MTNAP1: variants seen among roughly 807,000 people sequenced by gnomAD.
MTNAP1 encodes mitochondrial nucleoid-associated protein 1.
At chr17:73,242,909 C>A in the MTNAP1 span, 1 of 1,613,558 alleles carries the variant, frequency 6.2e-7, no homozygotes, top group East Asian at 2.2e-5. Context: ...GGATCAGGTG[C>A]AACACCACCA....
At chr17:73,238,284 TTTGTAAAGTAGCATACCTGTC>T in the MTNAP1 span, among the ~76,000 whole-genome samples, 9 of 38,556 alleles carry the variant, frequency 2.3e-4, no homozygotes, top group Middle Eastern at 0.013. Context: ...ATACCTGTCG[TTTGTAAAGTAGCATACCTGTC>T]GTGTGTAGTG....
At chr17:73,245,975 G>C in the MTNAP1 span, among the ~76,000 whole-genome samples, 1 of 152,062 alleles carries the variant, frequency 6.6e-6, no homozygotes, top group Non-Finnish European at 1.5e-5. Context: ...TGGGTTTTCT[G>C]TGTCTCTTCA....
At chr17:73,238,519 A>G in the MTNAP1 span, among the ~76,000 whole-genome samples, 1 of 152,264 alleles carries the variant, frequency 6.6e-6, no homozygotes, top group African/African-American at 2.4e-5. Flanking sequence ...TTGCTAGCCC[A>G]AAGCTACATT....
the MTNAP1 span, chr17:73,233,105 G>A: frequency 1.3e-5 from 2 of 152,186 alleles, no homozygotes; most frequent in Non-Finnish European, 2.9e-5. Flanking sequence ...CCGGAGGCTG[G>A]GGAGGTCTTA....
chr17:73,236,476 T>A, the MTNAP1 span: 1 of 1,614,182 alleles, frequency 6.2e-7, no homozygotes, highest in Non-Finnish European at 8.5e-7. Context: ...GAGCCATGGC[T>A]GTGAGAACTT....
the MTNAP1 span, chr17:73,245,628 C>A: frequency 1.1e-3 from 1,088 of 985,276 alleles, 15 homozygotes; most frequent in East Asian, 0.022. Context: ...GAAAATAAGC[C>A]CACATCAGGC....
chr17:73,237,797 G>C, the MTNAP1 span, among the ~76,000 whole-genome samples: 2 of 152,202 alleles, frequency 1.3e-5, no homozygotes, highest in African/African-American at 4.8e-5. Context: ...GTAGGATGCA[G>C]GTGGTAGGAC....
At chr17:73,241,129 C>T in the MTNAP1 span, among the ~76,000 whole-genome samples, 3 of 152,118 alleles carry the variant, frequency 2.0e-5, no homozygotes, top group African/African-American at 7.2e-5. Flanking sequence ...AAACCATGTA[C>T]AGGAGAAATG....
chr17:73,236,992 C>A, the MTNAP1 span: 1 of 1,543,314 alleles, frequency 6.5e-7, no homozygotes, highest in Non-Finnish European at 8.7e-7. Context: ...AAGACTCTCA[C>A]AAGGTAAACA....
chr17:73,236,809 C>T, the MTNAP1 span: 16 of 1,614,106 alleles, frequency 9.9e-6, no homozygotes, highest in Non-Finnish European at 1.4e-5. Flanking sequence ...TCCTCAGAGC[C>T]CCTTCACCAA....
chr17:73,245,085 G>T, the MTNAP1 span: 2 of 1,308,352 alleles, frequency 1.5e-6, no homozygotes, highest in South Asian at 2.5e-5. Context: ...AACAAAAAGA[G>T]AATGATCTGT....
the MTNAP1 span, chr17:73,247,207 A>G: frequency 6.2e-7 from 1 of 1,600,012 alleles, no homozygotes; most frequent in Non-Finnish European, 8.6e-7. Context: ...TATGCCCTGA[A>G]AAGCTGAAAA....
chr17:73,240,798 T>G, the MTNAP1 span, among the ~76,000 whole-genome samples: 1 of 152,208 alleles, frequency 6.6e-6, no homozygotes, highest in Non-Finnish European at 1.5e-5. Context: ...ATCCTGACAC[T>G]GCTGACAACA....
At chr17:73,241,393 C>A in the MTNAP1 span, among the ~76,000 whole-genome samples, 2 of 152,074 alleles carry the variant, frequency 1.3e-5, no homozygotes, top group Non-Finnish European at 2.9e-5. Context: ...CTCCTGACGT[C>A]GTGATCCACC....
chr17:73,235,854 A>G, the MTNAP1 span: 1 of 1,614,078 alleles, frequency 6.2e-7, no homozygotes, highest in Non-Finnish European at 8.5e-7. Flanking sequence ...AAATGTTAAA[A>G]AATACTAAAC....
chr17:73,247,466 C>A, the MTNAP1 span: 1 of 887,816 alleles, frequency 1.1e-6, no homozygotes, highest in African/African-American at 1.7e-5. Context: ...GCTTTTCAGC[C>A]CTCAAGGTTA....
chr17:73,235,423 A>G, the MTNAP1 span: 1 of 1,394,490 alleles, frequency 7.2e-7, no homozygotes, highest in Non-Finnish European at 9.8e-7. Flanking sequence ...TAAGTAAAAT[A>G]TTGGTATGTA....
the MTNAP1 span, among the ~76,000 whole-genome samples, chr17:73,238,855 C>A: frequency 6.6e-6 from 1 of 152,178 alleles, no homozygotes; most frequent in South Asian, 2.1e-4. Flanking sequence ...TTAATCTTTT[C>A]CACTAAACCA....
At chr17:73,241,842 T>C in the MTNAP1 span, among the ~76,000 whole-genome samples, 2 of 152,098 alleles carry the variant, frequency 1.3e-5, no homozygotes, top group African/African-American at 4.8e-5. Context: ...GGCAGGAGAA[T>C]CACTCGAACC....
Sources: allele counts gnomAD v4.1 joint callset (sites outside exome capture counted in the v4.1 genomes callset), GRCh38; gene constraint gnomAD v4.1.1; transcripts MANE v1.5; gene names NCBI Gene and HGNC (gene_info 2026-07-23, HGNC 2026-07-21).